Variants in PCCA observed in about 807,000 individuals in gnomAD.
PCCA encodes propionyl-CoA carboxylase alpha chain, mitochondrial.
In PCCA, 74 loss-of-function variants were observed where a neutral mutation model predicts 101.3. The observed-to-expected ratio is 0.73, with a 90% CI of 0.61 to 0.89. The LOEUF (loss-of-function observed/expected upper bound fraction) is 0.89. PCCA is among the 40% of genes least tolerant of loss of function. PCCA has a pLI of 0.00. For missense variants in PCCA, 891 were observed against 907.0 expected (o/e 0.98, Z 0.23); for synonymous variants, 294 against 313.6 (o/e 0.94, Z 0.66).
chr13:100,244,964 T>C (rs611122), intron 8 of PCCA, among the ~76,000 whole-genome samples: 20,989 of 142,288 alleles, frequency 0.15, 1,686 homozygotes, highest in Middle Eastern at 0.22. Flanking sequence ...TGTGTGTGTG[T>C]GCGCAGTAGT....
intron 19 of PCCA, among the ~76,000 whole-genome samples, chr13:100,403,072 A>G (rs1203422602): frequency 6.6e-6 from 1 of 152,078 alleles, no homozygotes; most frequent in African/African-American, 2.4e-5. Context: ...TGTAAGACAC[A>G]GTAAAGCCAC....
chr13:100,447,763 T>G (rs189165054), intron 20 of PCCA, among the ~76,000 whole-genome samples: 1 of 152,318 alleles, frequency 6.6e-6, no homozygotes, highest in East Asian at 1.9e-4. Flanking sequence ...AAGTATGCTA[T>G]CTAGATTACC....
chr13:100,360,753 C>T (rs549765637), intron 18 of PCCA, among the ~76,000 whole-genome samples: 1 of 152,246 alleles, frequency 6.6e-6, no homozygotes, highest in South Asian at 2.1e-4. Context: ...GACAGTTTGG[C>T]AGTTTCTTAC....
intron 22 of PCCA, chr13:100,527,429 A>C: frequency 3.6e-6 from 2 of 552,584 alleles, no homozygotes; most frequent in East Asian, 4.0e-5. Context: ...CCCCGCCGCC[A>C]GGGTCCCCAC....
chr13:100,137,667 C>G (rs996935888), intron 4 of PCCA, among the ~76,000 whole-genome samples: 8 of 152,094 alleles, frequency 5.3e-5, no homozygotes, highest in African/African-American at 1.7e-4. Flanking sequence ...CCTTTATTTG[C>G]TTGATGTTTG....
At chr13:100,309,583 CGTTTTT>C (rs1238271129) in intron 15 of PCCA, among the ~76,000 whole-genome samples, 2 of 152,036 alleles carry the variant, frequency 1.3e-5, no homozygotes, top group South Asian at 2.1e-4. Context: ...ACTTTTGTTA[CGTTTTT>C]GTTTTTGTAA....
chr13:100,155,130 T>G, intron 5 of PCCA, 38 bp downstream of exon 5: 1 of 1,271,298 alleles, frequency 7.9e-7, no homozygotes, highest in Non-Finnish European at 1.2e-6. Flanking sequence ...AGCTGTTTCA[T>G]ATGTAGTGAG....
At chr13:100,407,136 A>G (rs1264135404) in intron 19 of PCCA, among the ~76,000 whole-genome samples, 3 of 152,264 alleles carry the variant, frequency 2.0e-5, no homozygotes, top group African/African-American at 7.2e-5. Flanking sequence ...TTAATAGCAT[A>G]TACTTGGACA....
chr13:100,121,538 G>A (rs2049401008), intron 4 of PCCA, among the ~76,000 whole-genome samples: 1 of 148,996 alleles, frequency 6.7e-6, no homozygotes. Flanking sequence ...GCAATGGTGC[G>A]ATCTTGGCTC....
chr13:100,288,238 T>G (rs1055975059), intron 12 of PCCA, among the ~76,000 whole-genome samples: 3 of 152,140 alleles, frequency 2.0e-5, no homozygotes, highest in Non-Finnish European at 2.9e-5. Context: ...CATCTCATAT[T>G]AGTTTGGTGC....
At chr13:100,228,572 T>C (rs1183256062) in intron 7 of PCCA, among the ~76,000 whole-genome samples, 1 of 152,112 alleles carries the variant, frequency 6.6e-6, no homozygotes, top group East Asian at 1.9e-4. Flanking sequence ...GAGATAATGT[T>C]GTTTTGTTTA....
chr13:100,530,244 A>G lies in PCCA; in HGVS notation c.*78A>G, dbSNP rs1178417074. ...GCTTTCACACACAATTGATTCAAGC[A>G]TTATACAGGAACACCCCTGTGCAGC... On this transcript the variant is annotated 3_prime_UTR_variant, in exon 24 of 24. Coordinates refer to ENST00000376285, the MANE Select transcript of PCCA (RefSeq NM_000282.4). The G allele has an allele frequency of 8.7e-7, 1 of 1,149,150 alleles. No homozygotes were observed. The highest frequency in any genetic ancestry group is 1.3e-6 in the Non-Finnish European group (1 of 761,118). 71.2% of individuals were successfully genotyped at this position (1,149,150 alleles called of 1,614,324 possible). A position where few individuals can be genotyped will look rare whatever the true frequency, so the allele number is the denominator to read the frequency against.
intron 9 of PCCA, 138 bp from the exon 10 acceptor site, chr13:100,262,591 A>C: frequency 1.5e-6 from 1 of 646,730 alleles, no homozygotes; most frequent in Non-Finnish European, 2.7e-6. Context: ...ATAAGCCAAA[A>C]TAAATATTTA....
intron 8 of PCCA, chr13:100,237,379 T>C (rs763838888): frequency 6.6e-6 from 1 of 152,256 alleles, no homozygotes; most frequent in Non-Finnish European, 1.5e-5. Context: ...GAAAATCTTA[T>C]TTTATCTGAC....
At chr13:100,210,769 A>T (rs139082323) in intron 7 of PCCA, among the ~76,000 whole-genome samples, 3 of 152,226 alleles carry the variant, frequency 2.0e-5, no homozygotes, top group Non-Finnish European at 4.4e-5. Context: ...TACTTTTGGC[A>T]TTCTGTGTTG....
intron 4 of PCCA, among the ~76,000 whole-genome samples, chr13:100,132,376 T>G (rs1467476875): frequency 2.0e-5 from 3 of 149,664 alleles, no homozygotes; most frequent in African/African-American, 7.4e-5. Context: ...CACGGATGTG[T>G]TTCCCATCAC....
chr13:100,515,631 G>A lies in PCCA; in HGVS notation c.2040+64G>A, dbSNP rs1425521318. 8.2e-6 allele frequency: 13 copies of A among 1,581,294 alleles called. No homozygotes were observed. In the East Asian group the frequency reaches 8.9e-5, roughly 11 times the overall value. ...CTCCAACTTCCCCTTCCAAAGCGAC[G>A]GCTAACGGCACAGCACGATTCGGCT... On this transcript the variant is annotated intron_variant, in intron 22 of 23. Coordinates refer to ENST00000376285, the MANE Select transcript of PCCA (RefSeq NM_000282.4).
chr13:100,422,107 TTTCTTTCTTTCTTTTCTTTCTTTCTTTC>T (rs2078842177), intron 19 of PCCA, among the ~76,000 whole-genome samples: 4 of 143,736 alleles, frequency 2.8e-5, no homozygotes, highest in African/African-American at 8.1e-5. Flanking sequence ...TCTTTCTTTC[TTTCTTTCTTTCTTTTCTTTCTTTCTTTC>T]TTTTTTTTTT....
At chr13:100,464,739 A>G (rs2082389702) in intron 21 of PCCA, among the ~76,000 whole-genome samples, 1 of 152,234 alleles carries the variant, frequency 6.6e-6, no homozygotes, top group African/African-American at 2.4e-5. Flanking sequence ...GCTTAAAAAC[A>G]TCTGTTTCCT....
Sources: gnomAD v4.1 joint callset for allele counts (sites outside exome capture counted in the v4.1 genomes callset) on GRCh38, gnomAD v4.1.1 for gene constraint, MANE v1.5 for transcripts, NCBI Gene and HGNC (gene_info 2026-07-23, HGNC 2026-07-21) for gene names.